ATG10: variants seen among roughly 807,000 people sequenced by gnomAD.
ATG10 encodes ubiquitin-like-conjugating enzyme ATG10.
In ATG10, 30 loss-of-function variants were observed where a neutral mutation model predicts 32.1. The observed-to-expected ratio is 0.94, with a 90% CI of 0.70 to 1.27. ATG10 has a LOEUF of 1.27. Ranked by LOEUF, ATG10 falls within the 50% of genes most tolerant of loss-of-function variation. The pLI is 0.00. For synonymous variants in ATG10, 87 were observed against 91.5 expected (o/e 0.95, Z 0.28); for missense variants, 233 against 262.3 (o/e 0.89, Z 0.77).
In ATG10 at chr5:82,226,084, T is replaced by G. The variant is rs555143601; in HGVS notation, c.454-26478T>G. ...GTCTCTCCCCCAAATTCACATTTCTTTACTGGTTTTTATAACAGGCAGTTT... is the reference window on the plus strand; with the variant it reads ...GTCTCTCCCCCAAATTCACATTTCTGTACTGGTTTTTATAACAGGCAGTTT... On this transcript the variant is annotated intron_variant, in intron 5 of 7. Transcript: ENST00000282185. Among the ~76,000 whole-genome samples the G allele has an allele frequency of 4.6e-5, 7 of 152,330 alleles. No individual in the cohort carries two copies. In the South Asian group the frequency reaches 1.0e-3, roughly 23 times the overall value.
intron 2 of ATG10, among the ~76,000 whole-genome samples, chr5:82,020,227 G>A (rs1762399294): frequency 6.6e-6 from 1 of 152,212 alleles, no homozygotes; most frequent in Non-Finnish European, 1.5e-5. Flanking sequence ...GCTTTTCTGA[G>A]TAAGAGCATG....
intron 2 of ATG10, among the ~76,000 whole-genome samples, chr5:81,991,201 G>A (rs753990355): frequency 2.0e-5 from 3 of 152,132 alleles, no homozygotes; most frequent in Admixed American, 1.3e-4. Context: ...TGAATCAGTC[G>A]CTTGGTTATA....
At chr5:82,184,380 A>G (rs1744365599) in intron 5 of ATG10, among the ~76,000 whole-genome samples, 1 of 152,140 alleles carries the variant, frequency 6.6e-6, no homozygotes, top group Admixed American at 6.5e-5. Flanking sequence ...TTCCAGGTAA[A>G]CATAGTTATT....
At chr5:82,014,719 G>T (rs1016275145) in intron 2 of ATG10, among the ~76,000 whole-genome samples, 2 of 152,104 alleles carry the variant, frequency 1.3e-5, no homozygotes, top group African/African-American at 4.8e-5. Flanking sequence ...GAGCCTATGT[G>T]TGTCTCTGCA....
intron 3 of ATG10, among the ~76,000 whole-genome samples, chr5:82,086,368 A>G (rs1029798221): frequency 7.2e-5 from 11 of 152,222 alleles, no homozygotes; most frequent in Admixed American, 3.9e-4. Flanking sequence ...TAACAAAATA[A>G]TACCATGAAA....
rs1220889031 is a variant in ATG10 at position 81,972,128 on chromosome 5, G to T, written c.-191G>T. The T allele has an allele frequency of 6.6e-6, 1 of 152,364 alleles. No individual in the cohort carries two copies. Among genetic ancestry groups the T allele is most frequent in the South Asian group, 2.1e-4 (1 of 4,832 alleles). The allele number at this position is 152,364 out of a possible 1,614,324, so 9.4% of individuals were successfully genotyped here. On this transcript the variant is annotated 5_prime_UTR_variant, in exon 1 of 8. Transcript: ENST00000282185. The stretch of plus-strand genomic sequence containing the variant: ...TTCTGGTTGGCCTCGGGGCGCGCTG[G>T]CTCGGCTCTTCCTCCGCCCTCGAGG...
intron 5 of ATG10, among the ~76,000 whole-genome samples, chr5:82,224,839 G>A (rs1050049548): frequency 3.3e-5 from 5 of 152,196 alleles, no homozygotes; most frequent in Non-Finnish European, 7.3e-5. Flanking sequence ...GTAAGACTTT[G>A]AAGTAAGGAT....
chr5:82,042,616 T>A (rs1763119153), intron 2 of ATG10, among the ~76,000 whole-genome samples: 1 of 152,292 alleles, frequency 6.6e-6, no homozygotes, highest in Non-Finnish European at 1.5e-5. Flanking sequence ...AATAAAAAAC[T>A]AATTACTTCT....
chr5:82,233,976 C>A (rs571177637), intron 5 of ATG10, among the ~76,000 whole-genome samples: 5 of 152,134 alleles, frequency 3.3e-5, no homozygotes, highest in African/African-American at 1.2e-4. Flanking sequence ...AAGGGTGATA[C>A]ATTTGTGGAG....
intron 2 of ATG10, among the ~76,000 whole-genome samples, chr5:82,042,474 T>A (rs1763115071): frequency 6.6e-6 from 1 of 152,176 alleles, no homozygotes; most frequent in South Asian, 2.1e-4. Flanking sequence ...CATGTCCTTC[T>A]CACATTGCAA....
intron 5 of ATG10, among the ~76,000 whole-genome samples, chr5:82,185,069 G>A (rs1416595307): frequency 6.6e-6 from 1 of 152,122 alleles, no homozygotes; most frequent in Non-Finnish European, 1.5e-5. Context: ...AGATTCTATT[G>A]TGTTGTGTTA....
intron 3 of ATG10, among the ~76,000 whole-genome samples, chr5:82,070,210 A>AT (rs930660018): frequency 5.3e-4 from 81 of 152,238 alleles, no homozygotes; most frequent in Middle Eastern, 3.4e-3. Context: ...GAGAAAATGC[A>AT]TTTTTTGGTC....
chr5:82,135,641 A>T (rs1009153315), intron 3 of ATG10, among the ~76,000 whole-genome samples: 2 of 152,150 alleles, frequency 1.3e-5, no homozygotes, highest in African/African-American at 4.8e-5. Flanking sequence ...ATTTCCAGTT[A>T]TGTGGTCGAT....
intron 5 of ATG10, among the ~76,000 whole-genome samples, chr5:82,243,414 C>T (rs1418550552): frequency 6.6e-6 from 1 of 151,976 alleles, no homozygotes; most frequent in Non-Finnish European, 1.5e-5. Flanking sequence ...ATTTAAAAAT[C>T]CGTCTATGTT....
chr5:82,117,131 A>G (rs1581704880), intron 3 of ATG10, among the ~76,000 whole-genome samples: 1 of 152,170 alleles, frequency 6.6e-6, no homozygotes, highest in Non-Finnish European at 1.5e-5. Flanking sequence ...TGCATAAGAC[A>G]TAGCCCCTAC....
chr5:82,118,298 TTG>T (rs375478173), intron 3 of ATG10, among the ~76,000 whole-genome samples: 1,702 of 140,462 alleles, frequency 0.012, 22 homozygotes, highest in African/African-American at 0.041. Context: ...AGTGTCTTTC[TTG>T]TGTGTGTGTG....
chr5:82,222,744 G>T (rs1745979325), intron 5 of ATG10, among the ~76,000 whole-genome samples: 6 of 152,202 alleles, frequency 3.9e-5, no homozygotes, highest in Admixed American at 3.9e-4. Flanking sequence ...CCAGGTCTGG[G>T]AAGGCAGAAG....
intron 2 of ATG10, among the ~76,000 whole-genome samples, chr5:82,018,775 G>A (rs1762360335): frequency 1.3e-5 from 2 of 152,130 alleles, no homozygotes; most frequent in African/African-American, 4.8e-5. Context: ...CTCCCTGCCT[G>A]CCCTGTGCAA....
chr5:82,089,478 G>T (rs889389203), intron 3 of ATG10, among the ~76,000 whole-genome samples: 1 of 152,192 alleles, frequency 6.6e-6, no homozygotes, highest in Non-Finnish European at 1.5e-5. Flanking sequence ...CAATTTAATT[G>T]TGAAAAGAGA....
Sources: allele counts gnomAD v4.1 joint callset (sites outside exome capture counted in the v4.1 genomes callset), GRCh38; gene constraint gnomAD v4.1.1; transcripts MANE v1.5; gene names NCBI Gene and HGNC (gene_info 2026-07-23, HGNC 2026-07-21).